The following DNM1L variants were observed in gnomAD, a reference collection of about 807,000 sequenced individuals.
DNM1L encodes dynamin 1L.
In DNM1L, 33 loss-of-function variants were observed where a neutral mutation model predicts 92.8. The observed-to-expected ratio is 0.36, with a 90% CI of 0.27 to 0.48. The LOEUF (loss-of-function observed/expected upper bound fraction) is 0.48. DNM1L is among the 20% of genes least tolerant of loss of function. DNM1L has a pLI of 0.99. For synonymous variants in DNM1L, 284 were observed against 305.0 expected (o/e 0.93, Z 0.72); for missense variants, 485 against 888.8 (o/e 0.55, Z 5.78).
intron 6 of DNM1L, among the ~76,000 whole-genome samples, chr12:32,717,514 G>A (rs188669639): frequency 1.1e-4 from 12 of 108,000 alleles, no homozygotes; most frequent in Middle Eastern, 6.5e-3. Flanking sequence ...TATTTTAGAC[G>A]GAGTCCTGCT....
intron 12 of DNM1L, chr12:32,732,572 C>G (rs949728144): frequency 6.6e-6 from 3 of 455,876 alleles, no homozygotes; most frequent in Non-Finnish European, 1.3e-5. Flanking sequence ...TGGTGAACCC[C>G]GTGGAGGTTT....
rs1031075173 is a variant in DNM1L at position 32,737,136 on chromosome 12, T to C, written c.1571T>C (p.Leu524Ser). 1.2e-6 allele frequency: 2 copies of C among 1,613,804 alleles called. No individual in the cohort carries two copies. The highest frequency in any genetic ancestry group is 1.7e-6 in the Non-Finnish European group (2 of 1,179,864). ...EQRRNRLARELPSAVSRDKSS... is the reference protein window; with the variant it reads ...EQRRNRLARESPSAVSRDKSS... ...AGGAGAAACAGGCTAGCCAGAGAATTACCTTCAGCTGTATCACGAGACAAG... is the reference window on the plus strand; with the variant it reads ...AGGAGAAACAGGCTAGCCAGAGAATCACCTTCAGCTGTATCACGAGACAAG... The change falls in exon 14 of 20, where the codon TTA becomes TCA. Residue 524 changes from leucine (L) to serine (S), a missense_variant. Transcript: ENST00000549701.
At chr12:32,740,554 A>C in intron 18 of DNM1L, 36 bp downstream of exon 18, 1 of 1,520,464 alleles carries the variant, frequency 6.6e-7, no homozygotes, top group South Asian at 1.1e-5. Flanking sequence ...GGACTTTAAT[A>C]CTTCTGGATG....
intron 18 of DNM1L, among the ~76,000 whole-genome samples, chr12:32,742,135 C>T (rs995515936): frequency 7.9e-5 from 12 of 151,640 alleles, no homozygotes; most frequent in African/African-American, 2.7e-4. Context: ...GACACAGTCT[C>T]ACTCTGTTGC....
chr12:32,682,562 A>G (rs1189778390), intron 1 of DNM1L, among the ~76,000 whole-genome samples: 2 of 152,182 alleles, frequency 1.3e-5, no homozygotes, highest in Non-Finnish European at 2.9e-5. Flanking sequence ...TGAAAAACAT[A>G]TTAGTGAATC....
Position 32,724,593 on chromosome 12 carries a change from A to AAATATAT in DNM1L, c.1079+1961_1079+1962insATATATA, listed in dbSNP as rs1555123432. Among the ~76,000 whole-genome samples the AAATATAT allele has an allele frequency of 6.0e-5, 4 of 66,672 alleles. No homozygotes were observed. The East Asian group carries it at 1.3e-3, about 21-fold the overall frequency. 43.7% of individuals were successfully genotyped at this position (66,672 alleles called of 152,430 possible). A position where few individuals can be genotyped will look rare whatever the true frequency, so the allele number is the denominator to read the frequency against. On this transcript the variant is annotated intron_variant, in intron 9 of 19. Coordinates refer to ENST00000549701, the MANE Select transcript of DNM1L (RefSeq NM_012062.5). ...TCTATCTCCAAAAAAAAAAAAAAAA[A>AAATATAT]ATATATATATATATATATATATATA...
chr12:32,734,632 C>G (rs993148136), intron 13 of DNM1L, among the ~76,000 whole-genome samples: 3 of 152,124 alleles, frequency 2.0e-5, no homozygotes, highest in Non-Finnish European at 4.4e-5. Flanking sequence ...CATGGTGAAA[C>G]CCCGTCTCTA....
At chr12:32,720,521 T>C (rs951851788) in intron 7 of DNM1L, 143 bp from the exon 8 acceptor site, 3 of 1,274,366 alleles carry the variant, frequency 2.4e-6, no homozygotes, top group Non-Finnish European at 3.3e-6. Context: ...GGGGTAATAA[T>C]ACCTGCCACA....
At chr12:32,681,882 C>T (rs1366110374) in intron 1 of DNM1L, among the ~76,000 whole-genome samples, 3 of 151,636 alleles carry the variant, frequency 2.0e-5, no homozygotes, top group East Asian at 1.9e-4. Flanking sequence ...TAGTGTGTGC[C>T]GGTAGTCCCA....
At chr12:32,699,283 T>A (rs1173997879) in intron 1 of DNM1L, among the ~76,000 whole-genome samples, 1 of 151,966 alleles carries the variant, frequency 6.6e-6, no homozygotes, top group African/African-American at 2.4e-5. Context: ...TTCTTGCAAC[T>A]TTTTTTGTGG....
In DNM1L at chr12:32,744,213, A is replaced by G. The variant is rs1955504726; in HGVS notation, c.*803A>G. On this transcript the variant is annotated 3_prime_UTR_variant, in exon 20 of 20. Transcript: ENST00000549701. ...TTTCAGAAAATCAAATGATGACCTA[A>G]ATTTCCCTTAATTTGCAAATACAGT... 1 of 152,258 alleles carries G rather than the reference A, an allele frequency of 6.6e-6. No homozygotes were observed. The highest frequency in any genetic ancestry group is 1.5e-5 in the Non-Finnish European group (1 of 68,074). 9.4% of individuals were successfully genotyped at this position (152,258 alleles called of 1,614,324 possible). A position where few individuals can be genotyped will look rare whatever the true frequency, so the allele number is the denominator to read the frequency against.
intron 16 of DNM1L, among the ~76,000 whole-genome samples, chr12:32,739,606 ACT>A (rs1955140677): frequency 6.6e-6 from 1 of 152,296 alleles, no homozygotes; most frequent in East Asian, 1.9e-4. Flanking sequence ...AAACATATAA[ACT>A]CTTAAGTTCA....
chr12:32,737,978 T>G, intron 15 of DNM1L, 36 bp downstream of exon 15: 1 of 1,594,316 alleles, frequency 6.3e-7, no homozygotes, highest in Non-Finnish European at 8.6e-7. Context: ...CTGCATGCCT[T>G]GTTCTCTGGT....
rs534200491 is a variant in DNM1L at position 32,731,816 on chromosome 12, A to T, written c.1357-38A>T. The T allele has an allele frequency of 5.1e-6, 8 of 1,575,670 alleles. 1 individual carries two copies. The South Asian group carries it at 8.9e-5, about 17-fold the overall frequency. ...GAGACTATGACTTAAAAAAAAAACA[A>T]AAAACAAACACGTTTTTCTTTCATC... On this transcript the variant is annotated intron_variant, in intron 11 of 19. Transcript: ENST00000549701. This position sits in a 1 kb window ranked among gnomAD's most constrained non-coding sequence, Gnocchi z 5.1.
In DNM1L at chr12:32,717,917, TATA is replaced by T. The variant is rs890456128; in HGVS notation, c.620-725_620-723del. 1.5e-4 allele frequency among the ~76,000 whole-genome samples: 12 copies of T among 82,066 alleles called. 2 individuals carry two copies. Among genetic ancestry groups the T allele is most frequent in the African/African-American group, 5.5e-4 (10 of 18,168 alleles). The allele number at this position is 82,066 out of a possible 152,430, so 53.8% of individuals were successfully genotyped here. On this transcript the variant is annotated intron_variant, in intron 6 of 19. Coordinates refer to ENST00000549701, the MANE Select transcript of DNM1L (RefSeq NM_012062.5). ...TACTATATATAGTATATATATAAAATATAGTATATATTTTATATATATATAAAA... is the reference window on the plus strand; with the variant it reads ...TACTATATATAGTATATATATAAAATGTATATATTTTATATATATATAAAA...
chr12:32,687,915 T>A (rs1249678568), intron 1 of DNM1L, among the ~76,000 whole-genome samples: 1 of 151,984 alleles, frequency 6.6e-6, no homozygotes, highest in Admixed American at 6.6e-5. Flanking sequence ...TCATTCAATA[T>A]GAATTTTATT....
intron 13 of DNM1L, among the ~76,000 whole-genome samples, chr12:32,734,817 A>AG (rs1004293649): frequency 1.5e-4 from 23 of 152,172 alleles, no homozygotes; most frequent in Non-Finnish European, 2.6e-4. Flanking sequence ...CTTAAAAAAA[A>AG]ACTGGGGAGC....
chr12:32,695,434 A>T (rs560100417), intron 1 of DNM1L, among the ~76,000 whole-genome samples: 25 of 152,318 alleles, frequency 1.6e-4, no homozygotes, highest in African/African-American at 6.0e-4. Context: ...ATTAATTTGC[A>T]TAAGAAAAAT....
intron 6 of DNM1L, among the ~76,000 whole-genome samples, chr12:32,715,540 C>G (rs1953324383): frequency 6.6e-6 from 1 of 151,938 alleles, no homozygotes; most frequent in East Asian, 1.9e-4. Flanking sequence ...CCAGAGCAGC[C>G]TGACCAACAT....
Sources: gnomAD v4.1 joint callset for allele counts (sites outside exome capture counted in the v4.1 genomes callset) on GRCh38, gnomAD v4.1.1 for gene constraint, Gnocchi (gnomAD v3.1) non-coding constraint, MANE v1.5 for transcripts, NCBI Gene and HGNC (gene_info 2026-07-23, HGNC 2026-07-21) for gene names.